Variants in QDPR observed in about 807,000 individuals in gnomAD.
QDPR encodes quinoid dihydropteridine reductase.
Under a neutral mutation model 31.7 loss-of-function variants are expected in QDPR, and 23 were observed. That is an observed-to-expected ratio of 0.73 (90% confidence interval 0.52 to 1.03). QDPR has a LOEUF of 1.03. Ranked by LOEUF, QDPR falls within the 50% of genes least tolerant of loss-of-function variation. The pLI is 0.00. For synonymous variants in QDPR, 124 were observed against 124.7 expected, an observed-to-expected ratio of 0.99 and a Z score of 0.03; for missense variants, 324 against 323.8, an observed-to-expected ratio of 1.00 and a Z score of 0.00.
At chr4:17,501,957 T>G in intron 3 of QDPR, 98 bp from the exon 4 acceptor site, 1 of 1,474,992 alleles carries the variant, frequency 6.8e-7, no homozygotes, top group Non-Finnish European at 9.4e-7. Flanking sequence ...CCCTCCCTCC[T>G]GGTCCCCAGG....
intron 4 of QDPR, among the ~76,000 whole-genome samples, chr4:17,496,675 G>A (rs1718371937): frequency 6.7e-6 from 1 of 148,494 alleles, no homozygotes; most frequent in Admixed American, 6.8e-5. Flanking sequence ...TTACTCTGTT[G>A]CCCAGGCTAG....
chr4:17,492,128 T>G (rs879199959), intron 5 of QDPR, 104 bp downstream of exon 5: 1 of 840,860 alleles, frequency 1.2e-6, no homozygotes, highest in South Asian at 1.6e-5. Flanking sequence ...GAACCAGAGG[T>G]GAGAGCACAC....
chr4:17,493,086 G>A (rs975773017), intron 4 of QDPR, among the ~76,000 whole-genome samples: 2 of 152,132 alleles, frequency 1.3e-5, no homozygotes, highest in Non-Finnish European at 2.9e-5. Flanking sequence ...ATGGGTTTGA[G>A]GTGTTTTCTA....
intron 1 of QDPR, among the ~76,000 whole-genome samples, chr4:17,510,722 C>T (rs1718975868): frequency 6.6e-6 from 1 of 152,208 alleles, no homozygotes; most frequent in Admixed American, 6.5e-5. Flanking sequence ...ACAGGATCTA[C>T]TGCCTTAAAG....
chr4:17,488,187 G>A (rs77743381), intron 6 of QDPR, among the ~76,000 whole-genome samples: 2,952 of 151,938 alleles, frequency 0.019, 38 homozygotes, highest in Non-Finnish European at 0.032. Context: ...CTTGAGCCCC[G>A]GAGATCAAGG....
chr4:17,508,307 T>C (rs1718860152), intron 2 of QDPR, among the ~76,000 whole-genome samples: 1 of 152,092 alleles, frequency 6.6e-6, no homozygotes, highest in African/African-American at 2.4e-5. Context: ...GGCATTGGGG[T>C]GCATGCCTGT....
intron 4 of QDPR, among the ~76,000 whole-genome samples, chr4:17,498,190 T>C (rs10516314): frequency 0.22 from 33,492 of 152,142 alleles, 4,330 homozygotes; most frequent in Non-Finnish European, 0.29. Context: ...TAAGATGTAA[T>C]TGCTGTGGAG....
At position 17,496,442 on chromosome 4, in the gene QDPR, CAAAAAAAAAA is replaced by C. The variant is rs747311750; in HGVS notation, c.437-4112_437-4103del. The stretch of plus-strand genomic sequence containing the variant: ...CTGGGCAATAAGGGCAAAACTGTCT[CAAAAAAAAAA>C]AAAAAAAAAAAAAAAAAAAAGAACA... On this transcript the variant is annotated intron_variant, in intron 4 of 6. Transcript: ENST00000281243. Among the ~76,000 whole-genome samples the C allele has an allele frequency of 1.5e-4, 10 of 64,608 alleles. 1 individual carries two copies. The highest frequency in any genetic ancestry group is 9.3e-4 in the South Asian group (1 of 1,074). The allele number at this position is 64,608 out of a possible 152,430, so 42.4% of individuals were successfully genotyped here.
At chr4:17,494,455 A>C (rs763335072) in intron 4 of QDPR, among the ~76,000 whole-genome samples, 6 of 151,810 alleles carry the variant, frequency 4.0e-5, no homozygotes, top group Non-Finnish European at 7.4e-5. Flanking sequence ...TGGCGTGATG[A>C]CTCACTGCAT....
At chr4:17,509,955 G>A (rs1718946655) in intron 1 of QDPR, 1 of 456,106 alleles carries the variant, frequency 2.2e-6, no homozygotes, top group Non-Finnish European at 4.4e-6. Flanking sequence ...CTGGCCATAT[G>A]GTATCTGTTG....
chr4:17,498,538 G>C (rs1209488180), intron 4 of QDPR, among the ~76,000 whole-genome samples: 1 of 152,124 alleles, frequency 6.6e-6, no homozygotes, highest in African/African-American at 2.4e-5. Context: ...AACCGTAATG[G>C]CTTAATTCTA....
At chr4:17,494,706 C>T (rs1340089399) in intron 4 of QDPR, among the ~76,000 whole-genome samples, 1 of 152,186 alleles carries the variant, frequency 6.6e-6, no homozygotes, top group Non-Finnish European at 1.5e-5. Context: ...TGACTCTCAG[C>T]AGGTCACTGG....
At chr4:17,506,018 A>T (rs986038862) in intron 2 of QDPR, among the ~76,000 whole-genome samples, 3 of 152,238 alleles carry the variant, frequency 2.0e-5, no homozygotes, top group African/African-American at 7.2e-5. Context: ...ATAATTAATC[A>T]GAGCAGAAGA....
intron 2 of QDPR, among the ~76,000 whole-genome samples, chr4:17,507,598 CTTTCT>C (rs1183857286): frequency 1.8e-5 from 2 of 110,278 alleles, no homozygotes; most frequent in Middle Eastern, 5.4e-3. Flanking sequence ...AAAGATTTTT[CTTTCT>C]TTTTTTTTTT....
chr4:17,510,007 G>T (rs1403413355), intron 1 of QDPR: 2 of 434,144 alleles, frequency 4.6e-6, no homozygotes, highest in South Asian at 1.7e-5. Context: ...GCAATAAATA[G>T]GGGGAAAAAA....
chr4:17,496,467 A>G (rs1052592571), intron 4 of QDPR, among the ~76,000 whole-genome samples: 6 of 147,038 alleles, frequency 4.1e-5, no homozygotes, highest in African/African-American at 1.5e-4. Flanking sequence ...AAAAAAAAAA[A>G]AAAAAGAACA....
At chr4:17,511,734 T>C (rs1005049160) in intron 1 of QDPR, among the ~76,000 whole-genome samples, 7 of 152,130 alleles carry the variant, frequency 4.6e-5, no homozygotes, top group African/African-American at 1.7e-4. Flanking sequence ...ACGGAGCACC[T>C]CCTTGCACAG....
chr4:17,511,213 C>A (rs1376632638), intron 1 of QDPR, among the ~76,000 whole-genome samples: 2 of 152,152 alleles, frequency 1.3e-5, no homozygotes, highest in Non-Finnish European at 2.9e-5. Flanking sequence ...TTGCTGAGGC[C>A]TGCTGAGCGG....
intron 3 of QDPR, among the ~76,000 whole-genome samples, chr4:17,502,803 G>A (rs1718618091): frequency 6.6e-6 from 1 of 152,174 alleles, no homozygotes. Flanking sequence ...TAAAACCACT[G>A]GGTGAAAAGT....
Sources: allele counts gnomAD v4.1 joint callset (sites outside exome capture counted in the v4.1 genomes callset), GRCh38; gene constraint gnomAD v4.1.1; transcripts MANE v1.5; gene names NCBI Gene and HGNC (gene_info 2026-07-23, HGNC 2026-07-21).